GABRG3: variants seen among roughly 807,000 people sequenced by gnomAD.
The protein encoded by GABRG3 is gamma-aminobutyric acid receptor subunit gamma-3.
A neutral mutation model predicts 48.8 loss-of-function variants in GABRG3; 25 were observed. That is an observed-to-expected ratio of 0.51 (90% CI 0.37 to 0.72). GABRG3 has a LOEUF of 0.72. GABRG3 is among the 30% of genes least tolerant of loss of function. The pLI, the probability that GABRG3 is intolerant of heterozygous loss-of-function variation, is 0.00. For missense variants in GABRG3, 394 were observed against 577.9 expected (o/e 0.68, Z 3.26); for synonymous variants, 227 against 217.6 (o/e 1.04, Z -0.38).
chr15:27,426,296 T>G (rs113610229), intron 5 of GABRG3, among the ~76,000 whole-genome samples: 2,030 of 152,256 alleles, frequency 0.013, 34 homozygotes, highest in African/African-American at 0.047. Context: ...AAGCCTGGTT[T>G]ATAATGTGCT....
chr15:27,201,353 C>CGTGT (rs376315853), intron 3 of GABRG3, among the ~76,000 whole-genome samples: 3,512 of 144,202 alleles, frequency 0.024, 151 homozygotes, highest in African/African-American at 0.086. Context: ...GTGAGGGGTG[C>CGTGT]GTGTGTGTGT....
chr15:27,191,177 G>A (rs1314154215), intron 3 of GABRG3, among the ~76,000 whole-genome samples: 3 of 152,086 alleles, frequency 2.0e-5, no homozygotes, highest in Admixed American at 2.0e-4. Context: ...TAGGTGTGTG[G>A]TGCTGAAAAA....
intron 3 of GABRG3, among the ~76,000 whole-genome samples, chr15:27,085,621 A>C (rs955386040): frequency 6.6e-6 from 1 of 152,242 alleles, no homozygotes; most frequent in Non-Finnish European, 1.5e-5. Context: ...ACTGCATAAC[A>C]TCAATTATTC....
Position 27,170,450 on chromosome 15 carries a change from C to T in GABRG3, c.270+143629C>T, listed in dbSNP as rs139229174. ...ACCCTAGAGCCACCATTAAAAACAA[C>T]ACTGTGAGGTAAAGCTTAAGAGTCA... On this transcript the variant is annotated intron_variant, in intron 3 of 9. Coordinates refer to ENST00000615808, the MANE Select transcript of GABRG3 (RefSeq NM_033223.5). Among the ~76,000 whole-genome samples, 104 of 152,144 alleles carry T rather than the reference C, an allele frequency of 6.8e-4. 1 individual carries two copies. Among genetic ancestry groups the T allele is most frequent in the African/African-American group, 2.4e-3 (100 of 41,518 alleles).
intron 3 of GABRG3, among the ~76,000 whole-genome samples, chr15:27,187,963 C>T (rs6606883): frequency 0.65 from 96,440 of 149,158 alleles, 31,697 homozygotes; most frequent in East Asian, 0.88. Context: ...CACCTATGAG[C>T]GAGAATATGC....
In GABRG3 at chr15:27,535,086, A is replaced by T. The variant is rs1351166346; in HGVS notation, c.*2205A>T. On this transcript the variant is annotated 3_prime_UTR_variant, in exon 10 of 10. Coordinates refer to ENST00000615808, the MANE Select transcript of GABRG3 (RefSeq NM_033223.5). ...CCCGCCTTGGCAGAAGTATTCTGCA[A>T]GGACCCTGACCAAAGGAATCCAAGT... 1 of 152,234 alleles carries T rather than the reference A, an allele frequency of 6.6e-6. No individual in the cohort carries two copies. Among genetic ancestry groups the T allele is most frequent in the East Asian group, 1.9e-4 (1 of 5,188 alleles). 9.4% of individuals were successfully genotyped at this position (152,234 alleles called of 1,614,324 possible).
In GABRG3 at chr15:27,537,568, A is replaced by T. The variant is rs886374240; in HGVS notation, c.*4687A>T. ...TTTATTATAAAAATAGATCTCTATC[A>T]TTATAGGGATAAAACGTGTATGTTT... On this transcript the variant is annotated 3_prime_UTR_variant, in exon 10 of 10. Coordinates refer to ENST00000615808, the MANE Select transcript of GABRG3 (RefSeq NM_033223.5). The T allele has an allele frequency of 6.6e-6, 1 of 152,198 alleles. No individual in the cohort carries two copies. Among genetic ancestry groups the T allele is most frequent in the Non-Finnish European group, 1.5e-5 (1 of 68,032 alleles). 9.4% of individuals were successfully genotyped at this position (152,198 alleles called of 1,614,324 possible). A position where few individuals can be genotyped will look rare whatever the true frequency, so the allele number is the denominator to read the frequency against.
intron 3 of GABRG3, among the ~76,000 whole-genome samples, chr15:27,247,055 C>G (rs117079825): frequency 0.011 from 1,704 of 152,328 alleles, 16 homozygotes; most frequent in Middle Eastern, 0.041. Flanking sequence ...TCTCCTTTCT[C>G]AGCTTCCCGA....
chr15:27,290,213 AAAAT>A (rs556794432), intron 3 of GABRG3, among the ~76,000 whole-genome samples: 54 of 152,302 alleles, frequency 3.5e-4, no homozygotes, highest in African/African-American at 1.3e-3. Context: ...GCCAAAATAT[AAAAT>A]AAATATTGAC....
chr15:26,987,245 A>C (rs1895169259), intron 2 of GABRG3, among the ~76,000 whole-genome samples: 1 of 152,230 alleles, frequency 6.6e-6, no homozygotes, highest in African/African-American at 2.4e-5. Context: ...AGGGGGCATC[A>C]GGTGCCTTCC....
At chr15:27,039,931 T>C (rs78538767) in intron 3 of GABRG3, among the ~76,000 whole-genome samples, 199 of 152,328 alleles carry the variant, frequency 1.3e-3, no homozygotes, top group African/African-American at 4.5e-3. Flanking sequence ...CTGCCTCTTA[T>C]TTCATCTTCC....
chr15:27,095,941 CACA>C (rs1669707457), intron 3 of GABRG3, among the ~76,000 whole-genome samples: 1 of 152,186 alleles, frequency 6.6e-6, no homozygotes, highest in South Asian at 2.1e-4. Flanking sequence ...CCTGGGCACC[CACA>C]ACAACTCTTC....
chr15:27,062,373 G>A (rs1896662142), intron 3 of GABRG3, among the ~76,000 whole-genome samples: 2 of 146,820 alleles, frequency 1.4e-5, no homozygotes, highest in Non-Finnish European at 1.5e-5. Flanking sequence ...GAGGCAGGCA[G>A]ATCACCTGAG....
intron 3 of GABRG3, among the ~76,000 whole-genome samples, chr15:27,207,187 A>G (rs1300592414): frequency 1.8e-4 from 27 of 152,062 alleles, no homozygotes; most frequent in Non-Finnish European, 2.9e-5. Context: ...GCAACCAAGA[A>G]ATAAAGCACT....
chr15:27,098,633 A>G (rs1288499039), intron 3 of GABRG3, among the ~76,000 whole-genome samples: 2 of 152,162 alleles, frequency 1.3e-5, no homozygotes, highest in African/African-American at 2.4e-5. Flanking sequence ...CCCTAAACCT[A>G]TTCCAGGATT....
intron 3 of GABRG3, among the ~76,000 whole-genome samples, chr15:27,052,931 T>C (rs1452363795): frequency 6.6e-6 from 1 of 152,132 alleles, no homozygotes. Context: ...CTCTGTTCAG[T>C]AAATAGTGCT....
chr15:27,254,983 C>A (rs75930322), intron 3 of GABRG3, among the ~76,000 whole-genome samples: 1 of 152,138 alleles, frequency 6.6e-6, no homozygotes, highest in Non-Finnish European at 1.5e-5. Flanking sequence ...CCTGATACCC[C>A]CTGCACCAGA....
intron 5 of GABRG3, among the ~76,000 whole-genome samples, chr15:27,422,132 C>G (rs372862767): frequency 3.2e-4 from 48 of 150,708 alleles, no homozygotes; most frequent in African/African-American, 1.1e-3. Context: ...TCCACCAATA[C>G]TGGGTGTTCT....
chr15:27,300,810 T>A (rs1338719744), intron 3 of GABRG3, among the ~76,000 whole-genome samples: 1 of 149,738 alleles, frequency 6.7e-6, no homozygotes, highest in Admixed American at 6.7e-5. Context: ...CTACAAAAAC[T>A]TGTAGGATAT....
Sources: gnomAD v4.1 joint callset for allele counts (sites outside exome capture counted in the v4.1 genomes callset) on GRCh38, gnomAD v4.1.1 for gene constraint, MANE v1.5 for transcripts, NCBI Gene and HGNC (gene_info 2026-07-23, HGNC 2026-07-21) for gene names.